Variants in CDH4 observed in about 807,000 individuals in gnomAD.
The protein encoded by CDH4 is cadherin-4.
Under a neutral mutation model 86.0 loss-of-function variants are expected in CDH4, and 33 were observed. The observed-to-expected ratio is 0.38, with a 90% CI of 0.29 to 0.51. CDH4 has a LOEUF of 0.51. Among genes scored for constraint, CDH4 ranks in the 20% least tolerant of loss-of-function variants. The pLI is 0.86. For synonymous variants in CDH4, 555 were observed against 549.4 expected (o/e 1.01, Z -0.14); for missense variants, 1,114 against 1,307.4 (o/e 0.85, Z 2.28).
intron 4 of CDH4, among the ~76,000 whole-genome samples, chr20:61,804,496 C>T (rs1241556886): frequency 6.6e-6 from 1 of 152,250 alleles, no homozygotes; most frequent in Non-Finnish European, 1.5e-5. Context: ...GCTCTGCTGT[C>T]TGGACCTCTG....
At chr20:61,865,515 G>A (rs377224953) in intron 6 of CDH4, among the ~76,000 whole-genome samples, 31 of 152,024 alleles carry the variant, frequency 2.0e-4, no homozygotes, top group African/African-American at 5.8e-4. Flanking sequence ...TGTATGTAAT[G>A]GGTTAGTTCC....
chr20:61,260,932 C>T (rs1054584000), intron 2 of CDH4, among the ~76,000 whole-genome samples: 2 of 152,338 alleles, frequency 1.3e-5, no homozygotes, highest in East Asian at 1.9e-4. Flanking sequence ...GCACAGAAAG[C>T]GCTGCATGGT....
chr20:61,368,978 C>T (rs570571782), intron 2 of CDH4, among the ~76,000 whole-genome samples: 1 of 152,224 alleles, frequency 6.6e-6, no homozygotes, highest in South Asian at 2.1e-4. Flanking sequence ...CCCTGAAAAT[C>T]CCGAATCTAA....
At chr20:61,667,480 C>G (rs561661541) in intron 2 of CDH4, among the ~76,000 whole-genome samples, 1 of 152,234 alleles carries the variant, frequency 6.6e-6, no homozygotes, top group Non-Finnish European at 1.5e-5. Context: ...CGGATCTTTC[C>G]GCTTTCAAAC....
chr20:61,598,466 G>A (rs1165628358), intron 2 of CDH4, among the ~76,000 whole-genome samples: 1 of 151,708 alleles, frequency 6.6e-6, no homozygotes, highest in Non-Finnish European at 1.5e-5. Flanking sequence ...TGCTATCTGT[G>A]GCCTCAGCAC....
chr20:61,768,451 G>T (rs969332701), intron 3 of CDH4, among the ~76,000 whole-genome samples: 1 of 152,202 alleles, frequency 6.6e-6, no homozygotes, highest in Admixed American at 6.5e-5. Flanking sequence ...TAATGGTGTA[G>T]TAGAGGTCAC....
At chr20:61,524,629 C>T (rs2085897207) in intron 2 of CDH4, among the ~76,000 whole-genome samples, 1 of 152,184 alleles carries the variant, frequency 6.6e-6, no homozygotes, top group African/African-American at 2.4e-5. Context: ...GGACTGCAGG[C>T]ACATGCCACC....
chr20:61,750,593 C>G (rs186456307), intron 3 of CDH4, among the ~76,000 whole-genome samples: 2 of 152,208 alleles, frequency 1.3e-5, no homozygotes, highest in African/African-American at 4.8e-5. Flanking sequence ...GAATTGCTCT[C>G]CCAAAGTTTT....
chr20:61,671,613 A>ATGGATGGATGGGTGTGTAGATGAG (rs2087388268), intron 2 of CDH4, among the ~76,000 whole-genome samples: 1 of 150,908 alleles, frequency 6.6e-6, no homozygotes, highest in African/African-American at 2.4e-5. Flanking sequence ...GGATGGGTAG[A>ATGGATGGATGGGTGTGTAGATGAG]TGGATGGATG....
intron 8 of CDH4, among the ~76,000 whole-genome samples, chr20:61,898,498 G>C (rs1776243): frequency 0.42 from 64,412 of 151,924 alleles, 14,741 homozygotes; most frequent in East Asian, 0.65. Context: ...TATTAACACC[G>C]ATGGGTCCTG....
chr20:61,628,841 G>C (rs1460664650), intron 2 of CDH4, among the ~76,000 whole-genome samples: 1 of 152,244 alleles, frequency 6.6e-6, no homozygotes, highest in East Asian at 1.9e-4. Context: ...CAAGTGTGTG[G>C]GGACATGAGG....
At position 61,708,980 on chromosome 20, in the gene CDH4, C is replaced by T. The variant is rs2087861892; in HGVS notation, c.170-34583C>T. On this transcript the variant is annotated intron_variant, in intron 2 of 15. Transcript: ENST00000614565. The surrounding 1 kb of genome is among the most constrained non-coding windows in gnomAD (Gnocchi z 4.5). ...TTCAGCCAGACGGACGGGCAGCAGA[C>T]CTGCTCAGCCCTGCCTTCCCCGAAG... is the stretch of plus-strand genomic sequence containing the variant. Among the ~76,000 whole-genome samples the T allele has an allele frequency of 6.6e-6, 1 of 152,222 alleles. No individual in the cohort carries two copies. Among genetic ancestry groups the T allele is most frequent in the Admixed American group, 6.5e-5 (1 of 15,286 alleles).
At chr20:61,593,747 C>T (rs1457332657) in intron 2 of CDH4, among the ~76,000 whole-genome samples, 1 of 151,944 alleles carries the variant, frequency 6.6e-6, no homozygotes, top group Non-Finnish European at 1.5e-5. Flanking sequence ...CTTGAAGCAA[C>T]ATCTGAATGT....
At chr20:61,812,092 G>A (rs1057071129) in intron 4 of CDH4, among the ~76,000 whole-genome samples, 8 of 151,870 alleles carry the variant, frequency 5.3e-5, no homozygotes, top group African/African-American at 1.5e-4. Flanking sequence ...CACTCTCACC[G>A]TGCCTTAGTT....
chr20:61,597,154 A>C (rs916519024), intron 2 of CDH4, among the ~76,000 whole-genome samples: 3 of 152,220 alleles, frequency 2.0e-5, no homozygotes, highest in African/African-American at 7.2e-5. Context: ...TGGTGCCCAC[A>C]TTCATAACAG....
intron 2 of CDH4, among the ~76,000 whole-genome samples, chr20:61,644,919 G>A (rs1413804901): frequency 2.6e-5 from 4 of 152,320 alleles, no homozygotes; most frequent in Non-Finnish European, 5.9e-5. Flanking sequence ...TGAGTCGTGC[G>A]GCCTGAGGAA....
chr20:61,493,094 C>A (rs759243700), intron 2 of CDH4, among the ~76,000 whole-genome samples: 1 of 152,226 alleles, frequency 6.6e-6, no homozygotes, highest in Non-Finnish European at 1.5e-5. Context: ...TAAAGTCACT[C>A]AAACCCATTT....
chr20:61,894,986 C>T lies in CDH4; in HGVS notation c.1127C>T (p.Ala376Val). 1 of 1,613,896 alleles carries T rather than the reference C, an allele frequency of 6.2e-7. No homozygotes were observed. The highest frequency in any genetic ancestry group is 8.5e-7 in the Non-Finnish European group (1 of 1,179,972). Residue 376 changes from alanine to valine, a missense_variant, in exon 8 of 16, where the codon GCC becomes GTC. Ala to Val is a moderately conservative substitution (Grantham distance 64). This residue lies in a region of CDH4 where 705 missense variants were observed against 914.1 expected (regional missense o/e 0.77). Coordinates refer to ENST00000614565, the MANE Select transcript of CDH4 (RefSeq NM_001794.5). ...CTCAACTATGGCCTCTCAAACACAG[C>T]CACAGCCATCATCACGGTGACAGAT... The part of the protein sequence containing the change: ...GNLNYGLSNT[A>V]TAIITVTDVN...
At chr20:61,845,514 AG>A (rs1484397235) in intron 5 of CDH4, among the ~76,000 whole-genome samples, 2 of 152,226 alleles carry the variant, frequency 1.3e-5, no homozygotes, top group African/African-American at 4.8e-5. Context: ...CCTTCACCTC[AG>A]GGTCCAGAGC....
Sources: gnomAD v4.1 joint callset for allele counts (sites outside exome capture counted in the v4.1 genomes callset) on GRCh38, gnomAD v4.1.1 for gene constraint, gnomAD v4.1.1 regional missense constraint, Gnocchi (gnomAD v3.1) non-coding constraint, MANE v1.5 for transcripts, NCBI Gene and HGNC (gene_info 2026-07-23, HGNC 2026-07-21) for gene names.